PRKCZ: variants seen among roughly 807,000 people sequenced by gnomAD.
PRKCZ encodes protein kinase C zeta.
In PRKCZ, 33 loss-of-function variants were observed where a neutral mutation model predicts 79.5. The observed-to-expected ratio is 0.41, with a 90% CI of 0.31 to 0.55. PRKCZ has a LOEUF of 0.55. PRKCZ is among the 20% of genes least tolerant of loss of function. The probability of loss-of-function intolerance (pLI) is 0.19; values close to 1 mark genes in which losing one functional copy is unlikely to be tolerated. For synonymous variants in PRKCZ, 342 were observed against 320.9 expected, an observed-to-expected ratio of 1.07 and a Z score of -0.70; for missense variants, 578 against 813.5, an observed-to-expected ratio of 0.71 and a Z score of 3.52.
rs1006755784 is a variant in PRKCZ at position 2,172,543 on chromosome 1, C to T, written c.1285+155C>T. On this transcript the variant is annotated intron_variant, in intron 13 of 17. Transcript: ENST00000378567. This position sits in a 1 kb window ranked among gnomAD's most constrained non-coding sequence, Gnocchi z 7.8. ...CGGATGTCATCATCTGGCCTCAGCC[C>T]CTTATTTGAATTCTGGAAAACCTCC... Among the ~76,000 whole-genome samples, 2 of 152,236 alleles carry T rather than the reference C, an allele frequency of 1.3e-5. No individual in the cohort carries two copies. Among genetic ancestry groups the T allele is most frequent in the Non-Finnish European group, 2.9e-5 (2 of 68,034 alleles).
At chr1:2,061,034 A>G (rs1336297173) in intron 4 of PRKCZ, among the ~76,000 whole-genome samples, 1 of 152,172 alleles carries the variant, frequency 6.6e-6, no homozygotes, top group Non-Finnish European at 1.5e-5. Context: ...GGGTGAGACG[A>G]TGGTTGTCCC....
intron 16 of PRKCZ, among the ~76,000 whole-genome samples, chr1:2,180,963 C>T (rs939494818): frequency 2.6e-5 from 4 of 152,214 alleles, no homozygotes; most frequent in Non-Finnish European, 4.4e-5. Context: ...AAAGTGGACC[C>T]TGGCGTGCTG....
intron 4 of PRKCZ, among the ~76,000 whole-genome samples, chr1:2,119,839 T>C (rs1671503859): frequency 6.7e-6 from 1 of 149,546 alleles, no homozygotes; most frequent in Non-Finnish European, 1.5e-5. Context: ...CAGGCTGGAG[T>C]GCAGTGGTGT....
chr1:2,123,324 TG>T (rs1672892968), intron 4 of PRKCZ, among the ~76,000 whole-genome samples: 1 of 21,094 alleles, frequency 4.7e-5, no homozygotes, highest in African/African-American at 3.4e-4. Flanking sequence ...GTTAGGGTCA[TG>T]GTGGTGGTTA....
At position 2,075,591 on chromosome 1, in the gene PRKCZ, G is replaced by A. The variant is rs1662255997; in HGVS notation, c.334+16000G>A. ...TTCCTAGACTTCAGAGCCACTGGTG[G>A]TTATGTAAGGAGTTGTGTGTTCCTC... On this transcript the variant is annotated intron_variant, in intron 4 of 17. Coordinates refer to ENST00000378567, the MANE Select transcript of PRKCZ (RefSeq NM_002744.6). This position sits in a 1 kb window ranked among gnomAD's most constrained non-coding sequence, Gnocchi z 4.8. Among the ~76,000 whole-genome samples, 1 of 152,210 alleles carries A rather than the reference G, an allele frequency of 6.6e-6. No homozygotes were observed. The highest frequency in any genetic ancestry group is 1.5e-5 in the Non-Finnish European group (1 of 68,030).
At position 2,146,070 on chromosome 1, in the gene PRKCZ, A is replaced by G; in HGVS notation, c.596A>G (p.Asn199Ser). 6.2e-7 allele frequency: 1 copy of G among 1,614,174 alleles called. No homozygotes were observed. The highest frequency in any genetic ancestry group is 8.5e-7 in the Non-Finnish European group (1 of 1,180,008). Residue 199 changes from asparagine (N) to serine (S), a missense_variant, in exon 7 of 18, where the codon AAC (asparagine) becomes AGC (serine). Asn to Ser is a conservative substitution (Grantham distance 46). Coordinates refer to ENST00000378567, the MANE Select transcript of PRKCZ (RefSeq NM_002744.6). ...PSQEPPVDDK[N>S]EDADLPSEET... Reference sequence around the variant, plus strand: ...CAAGAGCCTCCAGTAGACGACAAGAACGAGGACGCCGACCTTCCTTCCGAG... The same window carrying G: ...CAAGAGCCTCCAGTAGACGACAAGAGCGAGGACGCCGACCTTCCTTCCGAG...
chr1:2,124,066 G>A lies in PRKCZ; in HGVS notation c.335-11196G>A, dbSNP rs1445986160. On this transcript the variant is annotated intron_variant, in intron 4 of 17. Transcript: ENST00000378567. The stretch of plus-strand genomic sequence containing the variant: ...TCACGGCGGCGGTTAGGGTCACGGC[G>A]GCGGTTAGGGTCACGGCGGCGGTTA... Among the ~76,000 whole-genome samples, 4 of 7,224 alleles carry A rather than the reference G, an allele frequency of 5.5e-4. 1 individual carries two copies. In the East Asian group the frequency reaches 0.016, roughly 29 times the overall value. The allele number at this position is 7,224 out of a possible 152,430, so 4.7% of individuals were successfully genotyped here.
At chr1:2,077,095 G>A (rs916870929) in intron 4 of PRKCZ, among the ~76,000 whole-genome samples, 1 of 152,238 alleles carries the variant, frequency 6.6e-6, no homozygotes, top group African/African-American at 2.4e-5. Flanking sequence ...GACACGAACA[G>A]ATCCCTGCTG....
intron 1 of PRKCZ, among the ~76,000 whole-genome samples, chr1:2,053,589 G>A (rs1273786876): frequency 6.6e-6 from 1 of 152,196 alleles, no homozygotes; most frequent in African/African-American, 2.4e-5. Context: ...TGGAGGTGGT[G>A]GCCTGACACT....
chr1:2,074,502 A>G (rs1662027211), intron 4 of PRKCZ, among the ~76,000 whole-genome samples: 1 of 152,148 alleles, frequency 6.6e-6, no homozygotes, highest in Admixed American at 6.5e-5. Context: ...AGGTGGGCAG[A>G]TTGATGAGAC....
At position 2,172,956 on chromosome 1, in the gene PRKCZ, G is replaced by A. The variant is rs576358740; in HGVS notation, c.1285+568G>A. On this transcript the variant is annotated intron_variant, in intron 13 of 17. Transcript: ENST00000378567. The surrounding 1 kb of genome is among the most constrained non-coding windows in gnomAD (Gnocchi z 7.8). The stretch of plus-strand genomic sequence containing the variant: ...GAAACGGGGATGTGGGCACGCGTGT[G>A]CAGCCGTGTGTGCGTGTGTGAAACG... 6.6e-6 allele frequency among the ~76,000 whole-genome samples: 1 copy of A among 151,464 alleles called. No individual in the cohort carries two copies. The highest frequency in any genetic ancestry group is 1.9e-4 in the East Asian group (1 of 5,150).
chr1:2,151,117 C>A, intron 9 of PRKCZ, 139 bp downstream of exon 9: 1 of 1,069,936 alleles, frequency 9.3e-7, no homozygotes, highest in Non-Finnish European at 1.3e-6. Context: ...AATAGTCATG[C>A]ATCGTGTAAT....
rs575074850 is a variant in PRKCZ at position 2,165,655 on chromosome 1, G to A, written c.975-3863G>A. ...AAACAGAAGCAGCCTTAGACACTGCGTGAAGGGACGCGTGTGGCCGTGTTC... is the reference window on the plus strand; with the variant it reads ...AAACAGAAGCAGCCTTAGACACTGCATGAAGGGACGCGTGTGGCCGTGTTC... On this transcript the variant is annotated intron_variant, in intron 10 of 17. Coordinates refer to ENST00000378567, the MANE Select transcript of PRKCZ (RefSeq NM_002744.6). This position sits in a 1 kb window ranked among gnomAD's most constrained non-coding sequence, Gnocchi z 4.1. 9.2e-4 allele frequency among the ~76,000 whole-genome samples: 140 copies of A among 152,348 alleles called. No homozygotes were observed. Among genetic ancestry groups the A allele is most frequent in the African/African-American group, 3.3e-3 (138 of 41,580 alleles).
At position 2,173,926 on chromosome 1, in the gene PRKCZ, G is replaced by A. The variant is rs769490741; in HGVS notation, c.1315G>A (p.Val439Ile). 6.2e-7 allele frequency: 1 copy of A among 1,612,560 alleles called. No homozygotes were observed. Among genetic ancestry groups the A allele is most frequent in the Non-Finnish European group, 8.5e-7 (1 of 1,179,336 alleles). ...CAGCGTGGACTGGTGGGCGCTGGGA[G>A]TCCTCATGTTTGAGATGATGGCCGG... ...GFSVDWWALG[V>I]LMFEMMAGRS... The change falls in exon 14 of 18, where the codon GTC becomes ATC. Residue 439 changes from valine to isoleucine, a missense_variant. Around this residue, in one of 4 missense-constraint regions of PRKCZ, gnomAD observed 243 missense variants for 467.0 expected, o/e 0.52. Transcript: ENST00000378567. This position sits in a 1 kb window ranked among gnomAD's most constrained non-coding sequence, Gnocchi z 5.7.
chr1:2,073,582 T>C, intron 4 of PRKCZ: 1 of 975,610 alleles, frequency 1.0e-6, no homozygotes, highest in Non-Finnish European at 1.2e-6. Context: ...CTCTCTGGAC[T>C]GTGCTGATGC....
intron 4 of PRKCZ, among the ~76,000 whole-genome samples, chr1:2,105,152 C>T (rs1269206832): frequency 1.3e-5 from 2 of 152,206 alleles, no homozygotes; most frequent in African/African-American, 4.8e-5. Context: ...TAAGTCACTG[C>T]GTCACGGCCA....
At chr1:2,170,654 C>T (rs962221061) in intron 11 of PRKCZ, among the ~76,000 whole-genome samples, 5 of 152,238 alleles carry the variant, frequency 3.3e-5, no homozygotes, top group African/African-American at 1.2e-4. Context: ...TGTCCCCCGC[C>T]CCAGCCTCAC....
At chr1:2,081,047 G>A (rs1031645891) in intron 4 of PRKCZ, among the ~76,000 whole-genome samples, 9 of 152,148 alleles carry the variant, frequency 5.9e-5, no homozygotes, top group South Asian at 2.1e-4. Flanking sequence ...TGTGTTTGTC[G>A]GCTCACACCT....
chr1:2,160,447 G>C (rs573854014), intron 10 of PRKCZ, among the ~76,000 whole-genome samples: 1 of 152,310 alleles, frequency 6.6e-6, no homozygotes, highest in East Asian at 1.9e-4. Flanking sequence ...GTTGGGTCAC[G>C]TAGGAGGGGC....
Sources: allele counts gnomAD v4.1 joint callset (sites outside exome capture counted in the v4.1 genomes callset), GRCh38; gene constraint gnomAD v4.1.1; regional missense constraint gnomAD v4.1.1; non-coding constraint Gnocchi (gnomAD v3.1); transcripts MANE v1.5; gene names NCBI Gene and HGNC (gene_info 2026-07-23, HGNC 2026-07-21).